CHL1: variants seen among roughly 807,000 people sequenced by gnomAD.
The protein encoded by CHL1 is neural cell adhesion molecule L1-like protein.
A neutral mutation model predicts 141.9 loss-of-function variants in CHL1; 96 were observed. That is an observed-to-expected ratio of 0.68 (90% CI 0.57 to 0.80). CHL1 has a LOEUF of 0.80. Among genes scored for constraint, CHL1 ranks in the 30% least tolerant of loss-of-function variants. The pLI, the probability that CHL1 is intolerant of heterozygous loss-of-function variation, is 0.00. For missense variants in CHL1, 1,820 were observed against 1,457.2 expected, an observed-to-expected ratio of 1.25 and a Z score of -4.05; for synonymous variants, 613 against 502.2, an observed-to-expected ratio of 1.22 and a Z score of -2.95.
chr3:268,595 C>G (rs542259935), intron 2 of CHL1, among the ~76,000 whole-genome samples: 1 of 152,116 alleles, frequency 6.6e-6, no homozygotes, highest in South Asian at 2.1e-4. Flanking sequence ...AGCTTATGCT[C>G]TCAGTACACA....
At position 248,194 on chromosome 3, in the gene CHL1, T is replaced by C. The variant is rs576820608; in HGVS notation, c.-95+3502T>C. On this transcript the variant is annotated intron_variant, in intron 2 of 27. Transcript: ENST00000256509. ...GTGCCAAAAATGCATTTGTTTCAAC[T>C]GGAGTTTTATTGAAGTTGCTTTTAC... The C allele has an allele frequency of 8.5e-4, 129 of 152,224 alleles. 1 individual carries two copies. The highest frequency in any genetic ancestry group is 2.9e-3 in the African/African-American group (122 of 41,560). 9.4% of individuals were successfully genotyped at this position (152,224 alleles called of 1,614,324 possible).
intron 1 of CHL1, among the ~76,000 whole-genome samples, chr3:215,616 A>G (rs142646965): frequency 2.0e-5 from 3 of 152,332 alleles, no homozygotes; most frequent in East Asian, 1.9e-4. Flanking sequence ...CAATGTACAC[A>G]TGTATCCAAT....
intron 15 of CHL1, among the ~76,000 whole-genome samples, chr3:376,071 T>C (rs139016229): frequency 1.3e-3 from 197 of 152,310 alleles, no homozygotes; most frequent in African/African-American, 4.1e-3. Context: ...GGCACGAAGA[T>C]GTGAAGAGGT....
chr3:226,535 C>T (rs898661170), intron 1 of CHL1, among the ~76,000 whole-genome samples: 2 of 151,574 alleles, frequency 1.3e-5, no homozygotes, highest in African/African-American at 2.4e-5. Flanking sequence ...CCGCAACCTC[C>T]AACTCCCGGA....
chr3:254,512 G>A (rs1693982756), intron 2 of CHL1, among the ~76,000 whole-genome samples: 1 of 152,170 alleles, frequency 6.6e-6, no homozygotes, highest in Non-Finnish European at 1.5e-5. Context: ...GATACAGGGA[G>A]CTTGTGATGA....
intron 5 of CHL1, among the ~76,000 whole-genome samples, chr3:337,492 G>C (rs150013367): frequency 2.0e-5 from 3 of 151,812 alleles, no homozygotes; most frequent in African/African-American, 7.3e-5. Flanking sequence ...CATTAGGTAT[G>C]TCTCCCAATG....
intron 15 of CHL1, among the ~76,000 whole-genome samples, chr3:376,972 T>C (rs1391884): frequency 0.28 from 42,940 of 152,188 alleles, 7,639 homozygotes; most frequent in East Asian, 0.5. Flanking sequence ...CTCAGCATTT[T>C]ATATGAAATG....
intron 1 of CHL1, among the ~76,000 whole-genome samples, chr3:200,609 A>G (rs1698837004): frequency 6.6e-6 from 1 of 152,216 alleles, no homozygotes; most frequent in African/African-American, 2.4e-5. Context: ...GAGTGAAAGC[A>G]TAATATTCTT....
chr3:243,201 C>A (rs1692836145), intron 1 of CHL1, among the ~76,000 whole-genome samples: 1 of 152,162 alleles, frequency 6.6e-6, no homozygotes, highest in Non-Finnish European at 1.5e-5. Flanking sequence ...TCAACAAATG[C>A]AAACATTGCA....
intron 19 of CHL1, among the ~76,000 whole-genome samples, chr3:387,215 C>T (rs1206535789): frequency 1.3e-5 from 2 of 152,178 alleles, no homozygotes; most frequent in African/African-American, 4.8e-5. Flanking sequence ...TCATTGGTTT[C>T]TCAGATCCTC....
intron 15 of CHL1, among the ~76,000 whole-genome samples, chr3:369,077 G>A (rs911285190): frequency 6.6e-6 from 1 of 152,052 alleles, no homozygotes; most frequent in African/African-American, 2.4e-5. Flanking sequence ...GTCTATATGG[G>A]GTCTTCTTTG....
chr3:383,588 C>G (rs1039290771), intron 18 of CHL1, among the ~76,000 whole-genome samples: 1 of 152,082 alleles, frequency 6.6e-6, no homozygotes, highest in Admixed American at 6.6e-5. Context: ...ACCATCTACT[C>G]TCCACTGGAT....
intron 5 of CHL1, among the ~76,000 whole-genome samples, chr3:340,225 A>C (rs9862244): frequency 0.99 from 151,185 of 152,292 alleles, 75,053 homozygotes; most frequent in Non-Finnish European, 1. Flanking sequence ...TTTTTATTTA[A>C]TGGGAGTAAT....
At chr3:303,076 C>A (rs781086647) in intron 2 of CHL1, among the ~76,000 whole-genome samples, 1 of 152,010 alleles carries the variant, frequency 6.6e-6, no homozygotes, top group African/African-American at 2.4e-5. Context: ...ATTTCTGAGG[C>A]CTCCATTCTG....
Position 405,715 on chromosome 3 carries a change from CAACAT to C in CHL1, c.*6_*10del, listed in dbSNP as rs771142499. On this transcript the variant is annotated 3_prime_UTR_variant, in exon 28 of 28. Transcript: ENST00000256509. ...AACTTTTCCCCTTCGGGCATAAACA[CAACAT>C]ATGTAAGCAACGCTACTGGTTCACC... 39 of 1,608,104 alleles carry C rather than the reference CAACAT, an allele frequency of 2.4e-5. No homozygotes were observed. In the African/African-American group the frequency reaches 4.3e-4, roughly 18 times the overall value.
At chr3:326,142 G>T (rs13073026) in intron 4 of CHL1, 78 bp downstream of exon 4, 86,134 of 833,486 alleles carry the variant, frequency 0.1, 5,352 homozygotes, top group Non-Finnish European at 0.13. Context: ...ACCATCACAA[G>T]CCTGTTGGAC....
chr3:338,386 G>A (rs2125131464), intron 5 of CHL1, among the ~76,000 whole-genome samples: 1 of 152,236 alleles, frequency 6.6e-6, no homozygotes, highest in Non-Finnish European at 1.5e-5. Flanking sequence ...CAATGCTAAT[G>A]TTTGTCACCA....
chr3:221,311 T>C lies in CHL1; in HGVS notation c.-174-23302T>C, dbSNP rs1000766397. 2.6e-5 allele frequency among the ~76,000 whole-genome samples: 4 copies of C among 152,228 alleles called. No homozygotes were observed. In the South Asian group the frequency reaches 8.3e-4, roughly 32 times the overall value. ...TCAAATATTTTACAGAATTTGACTC[T>C]TTTCATTGACACTAATCATCATTGT... On this transcript the variant is annotated intron_variant, in intron 1 of 27. Coordinates refer to ENST00000256509, the MANE Select transcript of CHL1 (RefSeq NM_006614.4).
chr3:274,959 C>A (rs1422715219), intron 2 of CHL1, among the ~76,000 whole-genome samples: 1 of 152,170 alleles, frequency 6.6e-6, no homozygotes, highest in Non-Finnish European at 1.5e-5. Context: ...TTTTATGAGA[C>A]AAGAAGCAAT....
Sources: allele counts gnomAD v4.1 joint callset (sites outside exome capture counted in the v4.1 genomes callset), GRCh38; gene constraint gnomAD v4.1.1; transcripts MANE v1.5; gene names NCBI Gene and HGNC (gene_info 2026-07-23, HGNC 2026-07-21).